NRXN1: variants seen among roughly 807,000 people sequenced by gnomAD.
NRXN1 encodes neurexin-1.
NRXN1 carries 39 observed loss-of-function variants against 150.9 expected under a neutral mutation model. The observed-to-expected ratio is 0.26, with a 90% CI of 0.20 to 0.34. NRXN1 has a LOEUF of 0.34. Among genes scored for constraint, NRXN1 ranks in the 10% least tolerant of loss-of-function variants. NRXN1 has a pLI of 1.00. For missense variants in NRXN1, 1,815 were observed against 1,949.9 expected (o/e 0.93, Z 1.30); for synonymous variants, 924 against 757.0 (o/e 1.22, Z -3.62).
rs1235608471 is a variant in NRXN1 at position 50,885,818 on chromosome 2, T to TAAACACACACAC, written c.832+36039_832+36050dup. On this transcript the variant is annotated intron_variant, in intron 5 of 22. Transcript: ENST00000401669. ...AATGTCTAAATCGTAAATATTTCTA[T>TAAACACACACAC]AAACACACACACACACACACACACA... Among the ~76,000 whole-genome samples the TAAACACACACAC allele has an allele frequency of 2.3e-3, 195 of 83,936 alleles. 1 individual carries two copies. The highest frequency in any genetic ancestry group is 4.6e-3 in the Non-Finnish European group (149 of 32,454). The allele number at this position is 83,936 out of a possible 152,430, so 55.1% of individuals were successfully genotyped here. A position where few individuals can be genotyped will look rare whatever the true frequency, so the allele number is the denominator to read the frequency against.
chr2:50,771,829 G>A (rs1443200644), intron 5 of NRXN1, among the ~76,000 whole-genome samples: 1 of 152,072 alleles, frequency 6.6e-6, no homozygotes, highest in Non-Finnish European at 1.5e-5. Flanking sequence ...TGGAACACCT[G>A]CTATGTCCTA....
intron 21 of NRXN1, among the ~76,000 whole-genome samples, chr2:50,036,081 C>G (rs1373791421): frequency 6.6e-6 from 1 of 152,108 alleles, no homozygotes; most frequent in Non-Finnish European, 1.5e-5. Flanking sequence ...TATGATATGG[C>G]TTGGTTGTGT....
At chr2:50,147,777 GCTT>G (rs1304157002) in intron 18 of NRXN1, among the ~76,000 whole-genome samples, 8 of 151,820 alleles carry the variant, frequency 5.3e-5, no homozygotes, top group East Asian at 1.9e-4. Context: ...TTAACCACAG[GCTT>G]CTTCTTTCAG....
chr2:51,028,510 G>A lies in NRXN1; in HGVS notation c.-237C>T. On this transcript the variant is annotated 5_prime_UTR_variant, in exon 2 of 23. Transcript: ENST00000401669. ...AAAACGTTGACCCCAGTGGTACAGG[G>A]TAGCCACAGAACTTCCAGACCAAAG... 1 of 405,848 alleles carries A rather than the reference G, an allele frequency of 2.5e-6. No individual in the cohort carries two copies. The highest frequency in any genetic ancestry group is 4.0e-5 in the Admixed American group (1 of 25,272). 25.1% of individuals were successfully genotyped at this position (405,848 alleles called of 1,614,324 possible). A position where few individuals can be genotyped will look rare whatever the true frequency, so the allele number is the denominator to read the frequency against.
chr2:50,538,128 G>T, intron 10 of NRXN1, 125 bp downstream of exon 10: 2 of 1,081,014 alleles, frequency 1.9e-6, no homozygotes, highest in Non-Finnish European at 2.6e-6. Context: ...TGGCTGCTCA[G>T]CTTGCAAACA....
At chr2:50,331,291 A>C (rs1201236160) in intron 17 of NRXN1, among the ~76,000 whole-genome samples, 1 of 152,200 alleles carries the variant, frequency 6.6e-6, no homozygotes, top group Non-Finnish European at 1.5e-5. Context: ...TACCTTAAAA[A>C]ATACAAAGAA....
At chr2:50,242,131 C>T (rs1004744554) in intron 17 of NRXN1, among the ~76,000 whole-genome samples, 1 of 151,712 alleles carries the variant, frequency 6.6e-6, no homozygotes, top group African/African-American at 2.4e-5. Context: ...ATAACACTTC[C>T]TTCAGTGAAA....
At chr2:50,758,768 T>C (rs965044749) in intron 5 of NRXN1, among the ~76,000 whole-genome samples, 43 of 151,816 alleles carry the variant, frequency 2.8e-4, no homozygotes, top group African/African-American at 8.9e-4. Context: ...AAGCAAAAAG[T>C]AAAAATAACA....
intron 18 of NRXN1, among the ~76,000 whole-genome samples, chr2:50,189,611 T>A (rs1325826418): frequency 6.6e-6 from 1 of 152,116 alleles, no homozygotes; most frequent in African/African-American, 2.4e-5. Context: ...AATCAGTATA[T>A]CTTGGTGGCA....
At chr2:50,593,354 C>G (rs1674604705) in intron 8 of NRXN1, among the ~76,000 whole-genome samples, 1 of 152,130 alleles carries the variant, frequency 6.6e-6, no homozygotes, top group Non-Finnish European at 1.5e-5. Flanking sequence ...CTAGTCCCAG[C>G]AGGGAACTAG....
intron 6 of NRXN1, 111 bp downstream of exon 6, chr2:50,623,203 T>G: frequency 1.3e-6 from 1 of 780,208 alleles, no homozygotes; most frequent in Non-Finnish European, 2.0e-6. Flanking sequence ...AAAGCTAATT[T>G]GCAAGTGACT....
chr2:50,089,385 T>C (rs912788449), intron 19 of NRXN1, among the ~76,000 whole-genome samples: 3 of 152,206 alleles, frequency 2.0e-5, no homozygotes, highest in Admixed American at 6.5e-5. Context: ...TGGCATCCAG[T>C]GTGATGACTT....
At chr2:50,978,071 A>G (rs747833782) in intron 2 of NRXN1, among the ~76,000 whole-genome samples, 7 of 151,256 alleles carry the variant, frequency 4.6e-5, no homozygotes, top group Non-Finnish European at 7.4e-5. Context: ...ATATTGCCCT[A>G]CTGATACTAC....
intron 18 of NRXN1, among the ~76,000 whole-genome samples, chr2:50,179,470 C>G (rs991053381): frequency 1.3e-5 from 2 of 152,100 alleles, no homozygotes; most frequent in African/African-American, 4.8e-5. Flanking sequence ...TGCAAACAAG[C>G]AAATTAGACC....
intron 5 of NRXN1, among the ~76,000 whole-genome samples, chr2:50,762,013 C>T (rs981876596): frequency 1.3e-5 from 2 of 151,860 alleles, no homozygotes; most frequent in Admixed American, 6.6e-5. Flanking sequence ...TTTTGGGACT[C>T]GGACTGGCTT....
At chr2:50,877,121 A>G (rs1439148352) in intron 5 of NRXN1, among the ~76,000 whole-genome samples, 1 of 151,650 alleles carries the variant, frequency 6.6e-6, no homozygotes, top group South Asian at 2.1e-4. Context: ...TCCTAGTTCA[A>G]TGTTAATGAT....
chr2:50,531,162 GT>G, intron 11 of NRXN1, 64 bp downstream of exon 11: 1 of 1,202,206 alleles, frequency 8.3e-7, no homozygotes, highest in Non-Finnish European at 1.1e-6. Flanking sequence ...CTTGATCAAT[GT>G]TTGCAGGCAA....
At chr2:50,696,447 C>T (rs1692877763) in intron 5 of NRXN1, among the ~76,000 whole-genome samples, 1 of 152,150 alleles carries the variant, frequency 6.6e-6, no homozygotes, top group African/African-American at 2.4e-5. Context: ...ACTCTTTAAA[C>T]ATGCTTCTCC....
At chr2:50,878,229 C>A (rs1678899936) in intron 5 of NRXN1, among the ~76,000 whole-genome samples, 1 of 151,922 alleles carries the variant, frequency 6.6e-6, no homozygotes, top group Non-Finnish European at 1.5e-5. Context: ...ATTACCAGAG[C>A]CCACTTTTAC....
Sources: gnomAD v4.1 joint callset for allele counts (sites outside exome capture counted in the v4.1 genomes callset) on GRCh38, gnomAD v4.1.1 for gene constraint, MANE v1.5 for transcripts, NCBI Gene and HGNC (gene_info 2026-07-23, HGNC 2026-07-21) for gene names.